HACD4: variants seen among roughly 807,000 people sequenced by gnomAD.
HACD4 encodes the protein very-long-chain (3R)-3-hydroxyacyl-CoA dehydratase 4.
A neutral mutation model predicts 33.3 loss-of-function variants in HACD4; 35 were observed. The ratio of observed to expected loss-of-function variants is 1.05; its 90% confidence interval spans 0.80 to 1.39. HACD4 has a LOEUF of 1.39. HACD4 is among the 40% of genes most tolerant of loss of function. HACD4 has a pLI of 0.00. For missense variants in HACD4, 323 were observed against 276.5 expected (o/e 1.17, Z -1.19); for synonymous variants, 118 against 98.0 (o/e 1.20, Z -1.21).
intron 6 of HACD4, 141 bp downstream of exon 6, chr9:21,007,880 T>C: frequency 1.6e-6 from 1 of 631,808 alleles, no homozygotes; most frequent in Non-Finnish European, 2.5e-6. Context: ...CCAGGGGCTT[T>C]ACTAGCAAGA....
At chr9:21,015,826 G>A in intron 4 of HACD4, 72 bp downstream of exon 4, 1 of 836,466 alleles carries the variant, frequency 1.2e-6, no homozygotes, top group Non-Finnish European at 2.0e-6. Context: ...GTAACCTCTG[G>A]TTACTGCTAG....
At position 21,001,787 on chromosome 9, in the gene HACD4, G is replaced by A. The variant is rs539395026; in HGVS notation, c.*5250C>T. 5 of 152,138 alleles carry A rather than the reference G, an allele frequency of 3.3e-5. No individual in the cohort carries two copies. The highest frequency in any genetic ancestry group is 2.1e-4 in the South Asian group (1 of 4,822). 9.4% of individuals were successfully genotyped at this position (152,138 alleles called of 1,614,324 possible). A position where few individuals can be genotyped will look rare whatever the true frequency, so the allele number is the denominator to read the frequency against. ...TATTTGACAAAACTGTTCTTCAAAC[G>A]TGAGAGAGAAATTAAGACATCCCCA... On this transcript the variant is annotated 3_prime_UTR_variant, in exon 7 of 7. Transcript: ENST00000495827.
chr9:21,019,488 G>T lies in HACD4; in HGVS notation c.271-3478C>A, dbSNP rs558778099. On this transcript the variant is annotated intron_variant, in intron 3 of 6. Coordinates refer to ENST00000495827, the MANE Select transcript of HACD4 (RefSeq NM_001010915.5). The stretch of plus-strand genomic sequence containing the variant: ...AGAAAAGTGTTTGACACACATAAAA[G>T]CCCAAATAAATGTAAGCTATGATTA... 1.3e-3 allele frequency among the ~76,000 whole-genome samples: 196 copies of T among 152,092 alleles called. 2 individuals are homozygous for T. Among genetic ancestry groups the T allele is most frequent in the African/African-American group, 4.6e-3 (193 of 41,540 alleles).
chr9:21,029,314 TCTGA>T lies in HACD4; in HGVS notation c.119_122del (p.Val40AspfsTer20), dbSNP rs1195168758. On this transcript the variant is annotated frameshift_variant, in exon 2 of 7. Coordinates refer to ENST00000495827, the MANE Select transcript of HACD4 (RefSeq NM_001010915.5). LOFTEE classifies it high-confidence loss of function. ...TTTTACCTTTTCCAAATGAAAAGAA[TCTGA>T]CTGTCATATTTGTAAATATCCAAGA... 1.1e-5 allele frequency: 17 copies of T among 1,582,858 alleles called. No homozygotes were observed. The highest frequency in any genetic ancestry group is 1.5e-5 in the Non-Finnish European group (17 of 1,157,826).
At chr9:21,022,648 C>A (rs1817950067) in intron 3 of HACD4, among the ~76,000 whole-genome samples, 2 of 149,722 alleles carry the variant, frequency 1.3e-5, no homozygotes, top group African/African-American at 4.9e-5. Flanking sequence ...TAGAGAAATG[C>A]AAATCAAAAC....
At chr9:21,013,178 A>AT (rs992708091) in intron 4 of HACD4, among the ~76,000 whole-genome samples, 5 of 151,006 alleles carry the variant, frequency 3.3e-5, no homozygotes, top group Admixed American at 6.6e-5. Flanking sequence ...ATTTACTCCT[A>AT]TTTTTTTTCA....
rs1564264513 is a variant in HACD4 at position 21,001,086 on chromosome 9, A to G, written c.*5951T>C. ...GAAAGTATGTCCCTTTCAAATGAAA[A>G]CAAAAACAAAAACTATCTCTGAAAA... is the stretch of plus-strand genomic sequence containing the variant. On this transcript the variant is annotated 3_prime_UTR_variant, in exon 7 of 7. Transcript: ENST00000495827. 6.6e-6 allele frequency: 1 copy of G among 152,136 alleles called. No homozygotes were observed. Among genetic ancestry groups the G allele is most frequent in the African/African-American group, 2.4e-5 (1 of 41,454 alleles). 9.4% of individuals were successfully genotyped at this position (152,136 alleles called of 1,614,324 possible).
At chr9:21,019,658 T>G (rs1336702312) in intron 3 of HACD4, among the ~76,000 whole-genome samples, 1 of 152,118 alleles carries the variant, frequency 6.6e-6, no homozygotes, top group Non-Finnish European at 1.5e-5. Context: ...GCTTTATACT[T>G]ATCACACATG....
intron 1 of HACD4, 163 bp downstream of exon 1, chr9:21,031,390 T>G (rs563556649): frequency 1.1e-6 from 1 of 920,834 alleles, no homozygotes; most frequent in South Asian, 5.0e-5. Context: ...AGGGGTAAGT[T>G]AGCAAATACC....
intron 6 of HACD4, among the ~76,000 whole-genome samples, chr9:21,007,391 G>A (rs531096069): frequency 6.6e-6 from 1 of 151,886 alleles, no homozygotes; most frequent in South Asian, 2.1e-4. Flanking sequence ...TCACATTTTT[G>A]TCTTTTCTCT....
In HACD4 at chr9:21,021,302, C is replaced by T. The variant is rs1817906131; in HGVS notation, c.271-5292G>A. Among the ~76,000 whole-genome samples, 4 of 152,172 alleles carry T rather than the reference C, an allele frequency of 2.6e-5. No homozygotes were observed. The South Asian group carries it at 8.3e-4, about 32-fold the overall frequency. On this transcript the variant is annotated intron_variant, in intron 3 of 6. Transcript: ENST00000495827. ...GAATTGGCAAAAACTGGAAGCATTC[C>T]CTATGAAAACTGGCACAAGACAGGG...
chr9:21,010,985 C>A (rs1307794042), intron 5 of HACD4, among the ~76,000 whole-genome samples: 1 of 152,106 alleles, frequency 6.6e-6, no homozygotes, highest in Non-Finnish European at 1.5e-5. Flanking sequence ...TGAAGCTTCA[C>A]CTGCTAGCCT....
At chr9:21,023,457 T>A (rs1201868629) in intron 3 of HACD4, among the ~76,000 whole-genome samples, 1 of 152,182 alleles carries the variant, frequency 6.6e-6, no homozygotes, top group Non-Finnish European at 1.5e-5. Context: ...CTACTTGATA[T>A]GTGTAATGCC....
rs114349304 is a variant in HACD4, at chr9:21,015,804, C to T, written c.383+94G>A. ...ATTTGAAAAGGGGTTATGTTTTCCT[C>T]TCTCGTACCAAGTAACCTCTGGTTA... is the stretch of plus-strand genomic sequence containing the variant. On this transcript the variant is annotated intron_variant, in intron 4 of 6. Transcript: ENST00000495827. 2.8e-4 allele frequency: 193 copies of T among 692,440 alleles called. No homozygotes were observed. The African/African-American group carries it at 3.0e-3, about 11-fold the overall frequency. The allele number at this position is 692,440 out of a possible 1,614,324, so 42.9% of individuals were successfully genotyped here. A position where few individuals can be genotyped will look rare whatever the true frequency, so the allele number is the denominator to read the frequency against.
Position 21,006,903 on chromosome 9 carries a change from G to C in HACD4, c.*134C>G, listed in dbSNP as rs1195354345. The stretch of plus-strand genomic sequence containing the variant: ...GCCTGTTATGTCTAGAGTTTTGGGG[G>C]TATGTGCAGTTATTTCATGTAATGG... On this transcript the variant is annotated 3_prime_UTR_variant, in exon 7 of 7. Coordinates refer to ENST00000495827, the MANE Select transcript of HACD4 (RefSeq NM_001010915.5). The surrounding 1 kb of genome is among the most constrained non-coding windows in gnomAD (Gnocchi z 4.6). The C allele has an allele frequency of 2.9e-6, 2 of 690,680 alleles. No homozygotes were observed. Among genetic ancestry groups the C allele is most frequent in the Non-Finnish European group, 5.3e-6 (2 of 378,926 alleles). 42.8% of individuals were successfully genotyped at this position (690,680 alleles called of 1,614,324 possible). A position where few individuals can be genotyped will look rare whatever the true frequency, so the allele number is the denominator to read the frequency against.
intron 4 of HACD4, among the ~76,000 whole-genome samples, chr9:21,012,448 C>A (rs1113400): frequency 0.14 from 21,850 of 152,136 alleles, 1,699 homozygotes; most frequent in Non-Finnish European, 0.17. Context: ...TATAGACAGA[C>A]AATAAATACA....
Position 21,006,742 on chromosome 9 carries a change from T to C in HACD4, c.*295A>G. ...ATTGCAGCTAATCTCCTATTTCTCA[T>C]TAAACTTACAGGAAAATAATCAGAC... is the stretch of plus-strand genomic sequence containing the variant. On this transcript the variant is annotated 3_prime_UTR_variant, in exon 7 of 7. Transcript: ENST00000495827. This position sits in a 1 kb window ranked among gnomAD's most constrained non-coding sequence, Gnocchi z 4.6. The C allele has an allele frequency of 3.2e-6, 1 of 311,840 alleles. No homozygotes were observed. Among genetic ancestry groups the C allele is most frequent in the Non-Finnish European group, 6.0e-6 (1 of 167,866 alleles). 19.3% of individuals were successfully genotyped at this position (311,840 alleles called of 1,614,324 possible).
At chr9:21,031,133 A>G (rs1587844961) in intron 1 of HACD4, among the ~76,000 whole-genome samples, 1 of 152,244 alleles carries the variant, frequency 6.6e-6, no homozygotes, top group East Asian at 1.9e-4. Flanking sequence ...CCCTACCGCT[A>G]TATGACTGAA....
At chr9:21,031,199 C>A (rs897407496) in intron 1 of HACD4, among the ~76,000 whole-genome samples, 2 of 152,082 alleles carry the variant, frequency 1.3e-5, no homozygotes, top group East Asian at 1.9e-4. Context: ...GGTGTTTCCA[C>A]GGCTGTTACA....
Sources: gnomAD v4.1 joint callset for allele counts (sites outside exome capture counted in the v4.1 genomes callset) on GRCh38, gnomAD v4.1.1 for gene constraint, Gnocchi (gnomAD v3.1) non-coding constraint, MANE v1.5 for transcripts, NCBI Gene and HGNC (gene_info 2026-07-23, HGNC 2026-07-21) for gene names.